The following SPATA9 variants were observed in gnomAD, a reference collection of about 807,000 sequenced individuals.
The protein encoded by SPATA9 is spermatogenesis associated 9, also known as spermatogenesis-associated protein 9.
SPATA9 carries 27 observed loss-of-function variants against 25.5 expected under a neutral mutation model. The ratio of observed to expected loss-of-function variants is 1.06; its 90% CI spans 0.78 to 1.46. SPATA9 has a LOEUF of 1.46. Ranked by LOEUF, SPATA9 falls within the 40% of genes most tolerant of loss-of-function variation. The probability of loss-of-function intolerance (pLI) is 0.00; values close to 1 mark genes in which losing one functional copy is unlikely to be tolerated. For synonymous variants in SPATA9, 102 were observed against 105.7 expected, an observed-to-expected ratio of 0.97 and a Z score of 0.21; for missense variants, 282 against 297.5, an observed-to-expected ratio of 0.95 and a Z score of 0.38.
chr5:95,702,931 T>G (rs542796086), upstream of SPATA9, among the ~76,000 whole-genome samples: 2 of 152,200 alleles, frequency 1.3e-5, no homozygotes, highest in Admixed American at 6.5e-5. Flanking sequence ...CTGCGGAACA[T>G]GCAGCACTTC....
At chr5:95,656,361 G>T (rs770878285), downstream of SPATA9, 1 of 1,413,134 alleles carries the variant, frequency 7.1e-7, no homozygotes, top group South Asian at 1.3e-5. Flanking sequence ...AACATTTTTA[G>T]AATAACTCTG....
chr5:95,705,027 C>T, the SPATA9 span, among the ~76,000 whole-genome samples: 1 of 152,072 alleles, frequency 6.6e-6, no homozygotes, highest in Non-Finnish European at 1.5e-5. Context: ...TCACTGCAGC[C>T]TCAACCTCCC....
At chr5:95,721,674 C>A in the SPATA9 span, among the ~76,000 whole-genome samples, 1 of 142,456 alleles carries the variant, frequency 7.0e-6, no homozygotes, top group African/African-American at 2.6e-5. Context: ...AGAGGAATAT[C>A]TGATTCTACT....
At chr5:95,697,845 C>T (rs1222140852) in intron 1 of SPATA9, among the ~76,000 whole-genome samples, 2 of 147,844 alleles carry the variant, frequency 1.4e-5, no homozygotes, top group Admixed American at 1.3e-4. Flanking sequence ...TTTTGTCAGT[C>T]ATTCTTTCAA....
chr5:95,670,732 A>G, intron 3 of SPATA9: 2 of 447,166 alleles, frequency 4.5e-6, no homozygotes, highest in Non-Finnish European at 5.9e-6. Context: ...TTCTCATACT[A>G]CTGTACTTTG....
chr5:95,691,084 C>T (rs1400686596), intron 1 of SPATA9, among the ~76,000 whole-genome samples: 2 of 151,892 alleles, frequency 1.3e-5, no homozygotes, highest in South Asian at 2.1e-4. Context: ...GGCCTGGTGG[C>T]GGGCGCCTGT....
chr5:95,663,886 C>T, intron 4 of SPATA9, 67 bp downstream of exon 4: 1 of 805,710 alleles, frequency 1.2e-6, no homozygotes, highest in Non-Finnish European at 1.9e-6. Flanking sequence ...TACTATTGCA[C>T]AGTATTATTA....
At chr5:95,723,183 TAA>T in the SPATA9 span, among the ~76,000 whole-genome samples, 1 of 145,874 alleles carries the variant, frequency 6.9e-6, no homozygotes. Context: ...CTGATGAACT[TAA>T]AAAAAAAAAG....
upstream of SPATA9, among the ~76,000 whole-genome samples, chr5:95,683,760 A>G (rs949486554): frequency 6.6e-6 from 1 of 152,012 alleles, no homozygotes; most frequent in African/African-American, 2.4e-5. Flanking sequence ...GATGGTCTCC[A>G]TCTCCTGACC....
At chr5:95,679,467 G>C (rs1393622382) in intron 2 of SPATA9, among the ~76,000 whole-genome samples, 1 of 152,180 alleles carries the variant, frequency 6.6e-6, no homozygotes, top group African/African-American at 2.4e-5. Flanking sequence ...AGAAAACCCA[G>C]TTTGCCCTCA....
chr5:95,731,846 T>C, the SPATA9 span: 1 of 1,608,190 alleles, frequency 6.2e-7, no homozygotes, highest in African/African-American at 1.3e-5. Flanking sequence ...CCTCGCCCCC[T>C]CTGTCCGTGC....
At chr5:95,676,923 A>T (rs761565352) in intron 2 of SPATA9, among the ~76,000 whole-genome samples, 2 of 152,174 alleles carry the variant, frequency 1.3e-5, no homozygotes, top group Non-Finnish European at 2.9e-5. Context: ...GTTCAGCCTC[A>T]TCTTTTTCTC....
intron 3 of SPATA9, among the ~76,000 whole-genome samples, chr5:95,665,049 T>C (rs1304986872): frequency 6.6e-6 from 1 of 152,236 alleles, no homozygotes; most frequent in Non-Finnish European, 1.5e-5. Context: ...AATCTTTTTA[T>C]TTTTTCAAAC....
chr5:95,719,040 A>G, the SPATA9 span, among the ~76,000 whole-genome samples: 1 of 152,144 alleles, frequency 6.6e-6, no homozygotes, highest in East Asian at 1.9e-4. Context: ...GGGGAGGTGA[A>G]GGTCATCATG....
At chr5:95,690,637 CAG>C (rs1427648371) in intron 1 of SPATA9, among the ~76,000 whole-genome samples, 1 of 152,176 alleles carries the variant, frequency 6.6e-6, no homozygotes, top group East Asian at 1.9e-4. Flanking sequence ...ATGGGACAAA[CAG>C]ATATTATGGG....
At chr5:95,675,960 T>C (rs1346856917) in intron 2 of SPATA9, among the ~76,000 whole-genome samples, 1 of 150,974 alleles carries the variant, frequency 6.6e-6, no homozygotes, top group African/African-American at 2.4e-5. Context: ...TAACTGGGCA[T>C]ACACGCAAGC....
chr5:95,700,769 C>A (rs939797836), upstream of SPATA9, among the ~76,000 whole-genome samples: 24 of 152,152 alleles, frequency 1.6e-4, no homozygotes, highest in Non-Finnish European at 3.1e-4. Flanking sequence ...ATATCAAAAC[C>A]AGGAACTTGA....
upstream of SPATA9, among the ~76,000 whole-genome samples, chr5:95,683,253 G>A (rs1364775628): frequency 6.6e-6 from 1 of 152,144 alleles, no homozygotes; most frequent in Non-Finnish European, 1.5e-5. Flanking sequence ...TAAAAGAAAT[G>A]CTTTATATAT....
the SPATA9 span, chr5:95,731,048 C>A: frequency 9.7e-6 from 10 of 1,032,270 alleles, no homozygotes; most frequent in South Asian, 1.7e-5. Context: ...GCTCTGGTTA[C>A]GGCCTTGCGA....
Sources: gnomAD v4.1 joint callset for allele counts (sites outside exome capture counted in the v4.1 genomes callset) on GRCh38, gnomAD v4.1.1 for gene constraint, MANE v1.5 for transcripts, NCBI Gene and HGNC (gene_info 2026-07-23, HGNC 2026-07-21) for gene names.